The following ZDHHC11B variants were observed in gnomAD, a reference collection of about 807,000 sequenced individuals.
The protein encoded by ZDHHC11B is zDHHC palmitoyltransferase 11B (putative), also known as probable palmitoyltransferase ZDHHC11B.
A neutral mutation model predicts 42.3 loss-of-function variants in ZDHHC11B; 17 were observed. That is an observed-to-expected ratio of 0.40 (90% CI 0.27 to 0.60). The LOEUF is 0.60. Ranked by LOEUF, ZDHHC11B falls within the 20% of genes least tolerant of loss-of-function variation. The probability of loss-of-function intolerance (pLI) is 0.41; values close to 1 mark genes in which losing one functional copy is unlikely to be tolerated. For synonymous variants in ZDHHC11B, 123 were observed against 193.5 expected, an observed-to-expected ratio of 0.64 and a Z score of 3.02; for missense variants, 262 against 463.2, an observed-to-expected ratio of 0.57 and a Z score of 3.99.
At chr5:775,207 G>C (rs1736374142) in intron 1 of ZDHHC11B, among the ~76,000 whole-genome samples, 2 of 152,072 alleles carry the variant, frequency 1.3e-5, no homozygotes, top group South Asian at 4.2e-4. Context: ...CCAGGCCAGG[G>C]CGTGACCTCT....
chr5:775,831 A>G (rs10040532), intron 1 of ZDHHC11B, among the ~76,000 whole-genome samples: 61,505 of 141,446 alleles, frequency 0.43, 8,700 homozygotes, highest in East Asian at 0.48. Context: ...GCTGTGAAGG[A>G]CACGCTGTGT....
chr5:779,287 G>A (rs115253903), intron 1 of ZDHHC11B, among the ~76,000 whole-genome samples: 6,204 of 148,016 alleles, frequency 0.042, 173 homozygotes, highest in African/African-American at 0.11. Flanking sequence ...TCTCCAGGAT[G>A]ATGGGGGAAT....
chr5:732,956 C>G (rs1186060529), intron 11 of ZDHHC11B, among the ~76,000 whole-genome samples: 2 of 151,786 alleles, frequency 1.3e-5, no homozygotes, highest in Non-Finnish European at 2.9e-5. Context: ...ATTCGGGAGG[C>G]TGAGGTGGGA....
In ZDHHC11B at chr5:766,230, GT is replaced by G; in HGVS notation, c.222+467del. ...TGATGGGAGGTGAGAGCAGATGCAGGTCCCCTACCCACTGGGAGACAGGAGC... is the reference window on the plus strand; with the variant it reads ...TGATGGGAGGTGAGAGCAGATGCAGGCCCCTACCCACTGGGAGACAGGAGC... On this transcript the variant is annotated intron_variant, in intron 4 of 13. Transcript: ENST00000508859. Among the ~76,000 whole-genome samples the G allele has an allele frequency of 1.3e-5, 2 of 151,928 alleles. 1 individual carries two copies. Among genetic ancestry groups the G allele is most frequent in the East Asian group, 3.9e-4 (2 of 5,176 alleles).
At chr5:751,697 C>T (rs1377815600) in intron 6 of ZDHHC11B, among the ~76,000 whole-genome samples, 2 of 128,358 alleles carry the variant, frequency 1.6e-5, no homozygotes, top group Non-Finnish European at 3.5e-5. Flanking sequence ...AACCCTGCTC[C>T]CGACCATGCC....
At chr5:776,584 G>T (rs775160030) in intron 1 of ZDHHC11B, among the ~76,000 whole-genome samples, 5 of 151,794 alleles carry the variant, frequency 3.3e-5, no homozygotes, top group African/African-American at 1.2e-4. Context: ...CTCTCAGCTC[G>T]AGACCCTCGC....
intron 12 of ZDHHC11B, among the ~76,000 whole-genome samples, chr5:718,791 G>C (rs1741971186): frequency 6.6e-6 from 1 of 151,702 alleles, no homozygotes; most frequent in South Asian, 2.1e-4. Flanking sequence ...CGATTTCTTA[G>C]TCTTCCTGTG....
chr5:748,942 CCGGGGT>C (rs1381772428), intron 7 of ZDHHC11B, among the ~76,000 whole-genome samples: 6 of 104,816 alleles, frequency 5.7e-5, no homozygotes, highest in East Asian at 5.9e-4. Context: ...TCACTAAGTG[CCGGGGT>C]CACAGTGCCT....
rs548148441 is a variant in ZDHHC11B, at chr5:742,479, C to T, written c.901-851G>A. On this transcript the variant is annotated intron_variant, in intron 9 of 13. Transcript: ENST00000508859. ...CTTTATTGTGCTTTGCTTTACTGCA[C>T]TTCACAGAAACTGTTTTTTCACAAA... Among the ~76,000 whole-genome samples the T allele has an allele frequency of 2.0e-3, 121 of 61,676 alleles. 8 individuals are homozygous for T. The highest frequency in any genetic ancestry group is 4.9e-3 in the African/African-American group (108 of 22,102). 40.5% of individuals were successfully genotyped at this position (61,676 alleles called of 152,430 possible). A position where few individuals can be genotyped will look rare whatever the true frequency, so the allele number is the denominator to read the frequency against.
At chr5:777,949 G>A (rs1026494771) in intron 1 of ZDHHC11B, among the ~76,000 whole-genome samples, 3 of 151,980 alleles carry the variant, frequency 2.0e-5, no homozygotes, top group Non-Finnish European at 2.9e-5. Context: ...GCGGTCGGCG[G>A]GTCCCGAGCC....
At chr5:776,384 A>G (rs1458859896) in intron 1 of ZDHHC11B, among the ~76,000 whole-genome samples, 1 of 151,788 alleles carries the variant, frequency 6.6e-6, no homozygotes, top group East Asian at 1.9e-4. Flanking sequence ...GAGGGAGTGG[A>G]GGGGATCAGG....
chr5:761,261 G>A (rs1451205436), intron 4 of ZDHHC11B, among the ~76,000 whole-genome samples: 60 of 151,832 alleles, frequency 4.0e-4, no homozygotes, highest in African/African-American at 1.3e-3. Flanking sequence ...GAGGTGGGCC[G>A]TGCAGCACAG....
chr5:739,291 G>A (rs1185857273), intron 10 of ZDHHC11B, among the ~76,000 whole-genome samples: 1 of 150,874 alleles, frequency 6.6e-6, no homozygotes, highest in Non-Finnish European at 1.5e-5. Context: ...CCAGGTACTT[G>A]GGAGCCTGAG....
chr5:746,850 G>C (rs1177091163), intron 8 of ZDHHC11B, among the ~76,000 whole-genome samples: 2 of 140,806 alleles, frequency 1.4e-5, no homozygotes, highest in African/African-American at 2.5e-5. Flanking sequence ...TGCAGACTTT[G>C]TATTACTGGG....
chr5:783,623 CCCCCCAACCCCCATCAAAACAATAG>C (rs1737019413), intron 1 of ZDHHC11B, among the ~76,000 whole-genome samples: 6 of 149,932 alleles, frequency 4.0e-5, no homozygotes, highest in African/African-American at 1.2e-4. Flanking sequence ...AAAACAGCAG[CCCCCCAACCCCCATCAAAACAATAG>C]CCCCCAACCC....
At chr5:773,007 T>C (rs1328914341) in intron 1 of ZDHHC11B, among the ~76,000 whole-genome samples, 2 of 151,952 alleles carry the variant, frequency 1.3e-5, no homozygotes, top group East Asian at 3.8e-4. Context: ...AGGCTGCTGC[T>C]GGGTCTGGAG....
chr5:775,879 C>T (rs1384401033), intron 1 of ZDHHC11B, among the ~76,000 whole-genome samples: 3 of 148,728 alleles, frequency 2.0e-5, no homozygotes, highest in African/African-American at 7.4e-5. Context: ...GGGGTGGGGG[C>T]CGAGGCGCTC....
intron 6 of ZDHHC11B, among the ~76,000 whole-genome samples, chr5:752,856 T>G (rs1288356042): frequency 8.5e-6 from 1 of 118,012 alleles, no homozygotes; most frequent in Non-Finnish European, 1.9e-5. Flanking sequence ...TAAAGACCCC[T>G]CATCCTCATC....
Position 748,491 on chromosome 5 carries a change from C to A in ZDHHC11B, c.697G>T (p.Val233Phe). 2.2e-6 allele frequency: 3 copies of A among 1,364,540 alleles called. 1 individual carries two copies. Among genetic ancestry groups the A allele is most frequent in the Non-Finnish European group, 2.9e-6 (3 of 1,024,598 alleles). 84.5% of individuals were successfully genotyped at this position (1,364,540 alleles called of 1,614,324 possible). The change falls in exon 8 of 14, where the codon GTC becomes TTC. Residue 233 changes from valine (V) to phenylalanine (F), a missense_variant. Around this residue, in one of 5 missense-constraint regions of ZDHHC11B, gnomAD observed 57 missense variants for 103.3 expected, o/e 0.55. Transcript: ENST00000508859. ...AGCACGAGCATCCTGATGATCACGA[C>A]TATCAGAGTCTGCACCTGCACCGGG... Reference protein sequence around the residue: ...LFPVQVQTLIVVIIRMLVLLL... With the variant: ...LFPVQVQTLIFVIIRMLVLLL...
Sources: gnomAD v4.1 joint callset for allele counts (sites outside exome capture counted in the v4.1 genomes callset) on GRCh38, gnomAD v4.1.1 for gene constraint, gnomAD v4.1.1 regional missense constraint, MANE v1.5 for transcripts, NCBI Gene and HGNC (gene_info 2026-07-23, HGNC 2026-07-21) for gene names.